The following MROH9 variants were observed in gnomAD, a reference collection of about 807,000 sequenced individuals.
The protein encoded by MROH9 is maestro heat-like repeat-containing protein family member 9.
Under a neutral mutation model 98.2 loss-of-function variants are expected in MROH9, and 92 were observed. The observed-to-expected ratio is 0.94, with a 90% confidence interval of 0.79 to 1.11. The LOEUF (loss-of-function observed/expected upper bound fraction) is 1.11. Ranked by LOEUF, MROH9 falls within the 50% of genes most tolerant of loss-of-function variation. MROH9 has a pLI of 0.00. For missense variants in MROH9, 1,057 were observed against 1,014.8 expected (o/e 1.04, Z -0.57); for synonymous variants, 397 against 368.9 (o/e 1.08, Z -0.87).
rs1432353154 is a variant in MROH9 at position 170,996,522 on chromosome 1, C to G, written c.1353C>G (p.Ala451=). The change falls in exon 14 of 22, where the codon GCC becomes GCG. Residue 451 remains alanine, a synonymous_variant. Transcript: ENST00000367759. Reference sequence around the variant, plus strand: ...GGGGCTTTAGGTATGCCCAGGATGCCCTGAGAGTTCTGCTGAATTGTTCTG... The same window carrying G: ...GGGGCTTTAGGTATGCCCAGGATGCGCTGAGAGTTCTGCTGAATTGTTCTG... ...LKDRALYAQD[A]LRVLLNCSGL... 6.2e-7 allele frequency: 1 copy of G among 1,613,272 alleles called. No homozygotes were observed. Among genetic ancestry groups the G allele is most frequent in the African/African-American group, 1.3e-5 (1 of 74,958 alleles).
intron 8 of MROH9, among the ~76,000 whole-genome samples, chr1:170,974,986 T>C (rs1650624015): frequency 6.6e-6 from 1 of 151,878 alleles, no homozygotes; most frequent in African/African-American, 2.4e-5. Context: ...TAAGATAATA[T>C]AGCAAAAAGT....
chr1:170,992,444 C>G, intron 12 of MROH9, 115 bp downstream of exon 12: 1 of 1,040,666 alleles, frequency 9.6e-7, no homozygotes, highest in Non-Finnish European at 1.4e-6. Context: ...TCTCATGCAT[C>G]CATTCATGCA....
At chr1:171,030,179 C>CT (rs543305790) in intron 20 of MROH9, among the ~76,000 whole-genome samples, 2 of 151,824 alleles carry the variant, frequency 1.3e-5, no homozygotes, top group Admixed American at 6.6e-5. Context: ...TTTAATTCTT[C>CT]TTTTTTTTCT....
chr1:171,064,392 T>C lies in MROH9; in HGVS notation c.*52T>C, dbSNP rs1571180567. 24 of 1,466,512 alleles carry C rather than the reference T, an allele frequency of 1.6e-5. No homozygotes were observed. The highest frequency in any genetic ancestry group is 2.0e-5 in the Non-Finnish European group (22 of 1,109,430). The allele number at this position is 1,466,512 out of a possible 1,614,324, so 90.8% of individuals were successfully genotyped here. A position where few individuals can be genotyped will look rare whatever the true frequency, so the allele number is the denominator to read the frequency against. On this transcript the variant is annotated 3_prime_UTR_variant, in exon 22 of 22. Transcript: ENST00000367759. Reference sequence around the variant, plus strand: ...TCATAAACAATGGGAAGTCCAACAATGTCTTGGAGCTGACCTTAGAAGAAG... The same window carrying C: ...TCATAAACAATGGGAAGTCCAACAACGTCTTGGAGCTGACCTTAGAAGAAG...
chr1:171,041,408 T>TACACACAC (rs137951871), intron 20 of MROH9, among the ~76,000 whole-genome samples: 8,604 of 102,830 alleles, frequency 0.084, 582 homozygotes, highest in Non-Finnish European at 0.12. Context: ...TCAAGATACA[T>TACACACAC]ACACACACAC....
intron 3 of MROH9, among the ~76,000 whole-genome samples, chr1:170,953,317 CTT>C (rs964204658): frequency 6.6e-5 from 10 of 151,864 alleles, no homozygotes; most frequent in African/African-American, 2.2e-4. Flanking sequence ...TTAACGGTAT[CTT>C]TTGAAGAGCA....
chr1:171,005,034 A>G (rs947812434), intron 15 of MROH9, among the ~76,000 whole-genome samples: 1 of 151,832 alleles, frequency 6.6e-6, no homozygotes, highest in East Asian at 1.9e-4. Context: ...GATGAAGATT[A>G]CATTGAATGT....
intron 15 of MROH9, among the ~76,000 whole-genome samples, chr1:171,012,745 C>T (rs769297810): frequency 3.3e-5 from 5 of 152,006 alleles, no homozygotes; most frequent in African/African-American, 1.2e-4. Context: ...CATCATGATC[C>T]GCCCGCCTTG....
chr1:171,043,075 G>A (rs1212957310), intron 20 of MROH9, among the ~76,000 whole-genome samples: 1 of 152,066 alleles, frequency 6.6e-6, no homozygotes, highest in East Asian at 1.9e-4. Flanking sequence ...CCAATGTCCT[G>A]GAGGTTTTCC....
chr1:170,977,715 T>C (rs1650765595), intron 8 of MROH9, among the ~76,000 whole-genome samples: 1 of 152,196 alleles, frequency 6.6e-6, no homozygotes, highest in Admixed American at 6.5e-5. Flanking sequence ...ACCACAACTC[T>C]GGGTTGATTT....
At chr1:171,012,052 A>G (rs1380494501) in intron 15 of MROH9, among the ~76,000 whole-genome samples, 1 of 152,020 alleles carries the variant, frequency 6.6e-6, no homozygotes, top group Admixed American at 6.5e-5. Context: ...TTATGCATTT[A>G]CTTCCAACTA....
At chr1:171,007,427 G>A (rs904260994) in intron 15 of MROH9, among the ~76,000 whole-genome samples, 2 of 152,268 alleles carry the variant, frequency 1.3e-5, no homozygotes, top group East Asian at 1.9e-4. Context: ...TAAGTAGGTG[G>A]GTCCCAGGGC....
chr1:171,004,765 C>A (rs1571495859), intron 15 of MROH9, among the ~76,000 whole-genome samples: 1 of 151,962 alleles, frequency 6.6e-6, no homozygotes, highest in Non-Finnish European at 1.5e-5. Flanking sequence ...TGCTTCCCAT[C>A]TGCCATGATC....
chr1:170,998,415 C>T (rs777846142), intron 15 of MROH9, 141 bp downstream of exon 15: 24 of 1,601,140 alleles, frequency 1.5e-5, no homozygotes, highest in African/African-American at 2.7e-5. Flanking sequence ...TATCTGAAGT[C>T]GGATGGGGAG....
chr1:170,960,931 A>C (rs1649992600), intron 5 of MROH9, among the ~76,000 whole-genome samples: 1 of 152,144 alleles, frequency 6.6e-6, no homozygotes, highest in African/African-American at 2.4e-5. Context: ...GCCTGGCCTG[A>C]ATTATATTTA....
intron 8 of MROH9, among the ~76,000 whole-genome samples, chr1:170,974,103 T>C (rs772195890): frequency 6.6e-6 from 1 of 152,148 alleles, no homozygotes; most frequent in African/African-American, 2.4e-5. Context: ...ATAGTAATAG[T>C]AATTATCAAA....
chr1:171,004,091 G>A (rs191422991), intron 15 of MROH9, among the ~76,000 whole-genome samples: 12 of 152,046 alleles, frequency 7.9e-5, no homozygotes, highest in Non-Finnish European at 1.8e-4. Flanking sequence ...CTCCCACCAT[G>A]CCCCCTGCAA....
At chr1:171,043,113 T>C (rs570674796) in intron 20 of MROH9, among the ~76,000 whole-genome samples, 1 of 152,176 alleles carries the variant, frequency 6.6e-6, no homozygotes, top group South Asian at 2.1e-4. Flanking sequence ...TAGGTGTATA[T>C]TTTGAGGTCC....
At position 170,992,609 on chromosome 1, in the gene MROH9, T is replaced by C. The variant is rs77524629; in HGVS notation, c.1194+280T>C. ...AGTGGTGTGGAGGAAAGAAAGTGACTGGCAAGGTTTAGGTAAGTTGGTCAG... is the reference window on the plus strand; with the variant it reads ...AGTGGTGTGGAGGAAAGAAAGTGACCGGCAAGGTTTAGGTAAGTTGGTCAG... On this transcript the variant is annotated intron_variant, in intron 12 of 21. Coordinates refer to ENST00000367759, the MANE Select transcript of MROH9 (RefSeq NM_001163629.2). 8.7e-3 allele frequency among the ~76,000 whole-genome samples: 1,325 copies of C among 152,288 alleles called. 16 individuals carry two copies. Among genetic ancestry groups the C allele is most frequent in the African/African-American group, 0.031 (1,277 of 41,566 alleles).
Sources: gnomAD v4.1 joint callset for allele counts (sites outside exome capture counted in the v4.1 genomes callset) on GRCh38, gnomAD v4.1.1 for gene constraint, MANE v1.5 for transcripts, NCBI Gene and HGNC (gene_info 2026-07-23, HGNC 2026-07-21) for gene names.